Variants in MARCHF1 observed in about 807,000 individuals in gnomAD.
MARCHF1 encodes E3 ubiquitin-protein ligase MARCHF1.
Under a neutral mutation model 54.2 loss-of-function variants are expected in MARCHF1, and 40 were observed. That is an observed-to-expected ratio of 0.74 (90% CI 0.57 to 0.96). The LOEUF (loss-of-function observed/expected upper bound fraction) is 0.96. Among genes scored for constraint, MARCHF1 ranks in the 40% least tolerant of loss-of-function variants. The pLI is 0.00. For missense variants in MARCHF1, 586 were observed against 656.5 expected (o/e 0.89, Z 1.17); for synonymous variants, 236 against 236.3 (o/e 1.00, Z 0.01).
chr4:163,941,730 C>T (rs992382141), intron 3 of MARCHF1, among the ~76,000 whole-genome samples: 6 of 152,050 alleles, frequency 3.9e-5, no homozygotes, highest in African/African-American at 7.2e-5. Context: ...TTTTCTCATT[C>T]GTCAAAAGGA....
chr4:163,719,878 GT>G (rs1159906154), intron 4 of MARCHF1, among the ~76,000 whole-genome samples: 10 of 152,106 alleles, frequency 6.6e-5, no homozygotes, highest in East Asian at 5.8e-4. Flanking sequence ...TGATGGGGTT[GT>G]TTTTTTCTTG....
At chr4:164,354,563 AC>A (rs1300253759) in intron 1 of MARCHF1, among the ~76,000 whole-genome samples, 6 of 136,120 alleles carry the variant, frequency 4.4e-5, no homozygotes, top group African/African-American at 1.7e-4. Context: ...AAATTCAACA[AC>A]CCTTCATGCT....
chr4:163,645,444 A>G (rs1742717328), intron 5 of MARCHF1, among the ~76,000 whole-genome samples: 1 of 152,194 alleles, frequency 6.6e-6, no homozygotes, highest in Non-Finnish European at 1.5e-5. Context: ...ACTCCAGCAA[A>G]CGAGTCTATG....
chr4:163,721,520 G>T (rs1225199010), intron 4 of MARCHF1, among the ~76,000 whole-genome samples: 1 of 152,074 alleles, frequency 6.6e-6, no homozygotes, highest in Non-Finnish European at 1.5e-5. Context: ...CCAGGCTTTG[G>T]TATCAGGATG....
At chr4:163,775,067 G>T (rs1332468429) in intron 4 of MARCHF1, among the ~76,000 whole-genome samples, 3 of 152,052 alleles carry the variant, frequency 2.0e-5, no homozygotes, top group Non-Finnish European at 4.4e-5. Flanking sequence ...TCAAGGTAAG[G>T]CTTCAGCTAA....
intron 3 of MARCHF1, among the ~76,000 whole-genome samples, chr4:163,880,678 T>C (rs1329592229): frequency 2.0e-5 from 3 of 152,064 alleles, no homozygotes; most frequent in Non-Finnish European, 2.9e-5. Context: ...CCAACTATTG[T>C]TGGTCCATTA....
At position 163,802,987 on chromosome 4, in the gene MARCHF1, C is replaced by G. The variant is rs868718580; in HGVS notation, c.111+51034G>C. Among the ~76,000 whole-genome samples, 48 of 152,208 alleles carry G rather than the reference C, an allele frequency of 3.2e-4. 1 individual carries two copies. In the Middle Eastern group the frequency reaches 0.014, roughly 43 times the overall value. On this transcript the variant is annotated intron_variant, in intron 4 of 9. Coordinates refer to ENST00000514618, the MANE Select transcript of MARCHF1 (RefSeq NM_001394959.1). ...GGTACTCATTCACTATCTGACTCACCCTTATCAAGCCTCATCCTAAAGAGT... is the reference window on the plus strand; with the variant it reads ...GGTACTCATTCACTATCTGACTCACGCTTATCAAGCCTCATCCTAAAGAGT...
chr4:164,245,226 T>A (rs1205451658), intron 1 of MARCHF1, among the ~76,000 whole-genome samples: 1 of 152,062 alleles, frequency 6.6e-6, no homozygotes, highest in Non-Finnish European at 1.5e-5. Context: ...ACTGGCAAAA[T>A]GAATCCAGCA....
chr4:164,376,898 A>G (rs1418539713), intron 1 of MARCHF1, among the ~76,000 whole-genome samples: 1 of 152,200 alleles, frequency 6.6e-6, no homozygotes, highest in Non-Finnish European at 1.5e-5. Flanking sequence ...CAGGGTCCAA[A>G]AAGCATGTGA....
At chr4:163,812,901 G>C (rs111824283) in intron 4 of MARCHF1, among the ~76,000 whole-genome samples, 2,382 of 152,278 alleles carry the variant, frequency 0.016, 60 homozygotes, top group African/African-American at 0.053. Context: ...CATCACAACA[G>C]GGGATAGGAC....
intron 4 of MARCHF1, among the ~76,000 whole-genome samples, chr4:163,812,378 G>A (rs142779259): frequency 7.9e-4 from 120 of 151,712 alleles, no homozygotes; most frequent in African/African-American, 2.7e-3. Flanking sequence ...CTATTTCTCT[G>A]GAGAAACCCT....
intron 1 of MARCHF1, among the ~76,000 whole-genome samples, chr4:164,244,730 A>G (rs888326413): frequency 6.6e-6 from 1 of 152,152 alleles, no homozygotes; most frequent in Non-Finnish European, 1.5e-5. Context: ...TAAAGAAAAA[A>G]AGAGAGAAGA....
intron 2 of MARCHF1, among the ~76,000 whole-genome samples, chr4:164,095,841 G>T (rs1755399173): frequency 1.3e-5 from 2 of 152,074 alleles, no homozygotes; most frequent in Non-Finnish European, 2.9e-5. Context: ...AATCATCAGA[G>T]AAATGCAAAT....
intron 2 of MARCHF1, among the ~76,000 whole-genome samples, chr4:164,042,615 G>C (rs12512761): frequency 1 from 151,746 of 152,260 alleles, 75,618 homozygotes; most frequent in Middle Eastern, 1. Flanking sequence ...CTACCCCTGA[G>C]CCTTCCAAAA....
intron 5 of MARCHF1, among the ~76,000 whole-genome samples, chr4:163,653,762 C>T (rs1743050145): frequency 1.3e-5 from 2 of 151,678 alleles, no homozygotes; most frequent in South Asian, 4.1e-4. Context: ...TTTCTTTGGA[C>T]AGCTGAGTGT....
At chr4:164,197,858 A>C in intron 1 of MARCHF1, 2 of 1,222,336 alleles carry the variant, frequency 1.6e-6, no homozygotes, top group Non-Finnish European at 1.1e-6. Context: ...TATTATAATA[A>C]AGGGACTGAT....
chr4:164,138,683 G>A (rs1033293850), intron 1 of MARCHF1, among the ~76,000 whole-genome samples: 1 of 152,140 alleles, frequency 6.6e-6, no homozygotes, highest in Non-Finnish European at 1.5e-5. Context: ...TACTTGCCTT[G>A]GTGATCTCAT....
At chr4:163,529,917 G>C (rs1201596222) in intron 9 of MARCHF1, 2 of 151,970 alleles carry the variant, frequency 1.3e-5, no homozygotes, top group East Asian at 1.9e-4. Flanking sequence ...GACAATAGCT[G>C]TCTTCCCGTA....
intron 5 of MARCHF1, among the ~76,000 whole-genome samples, chr4:163,639,084 A>G (rs995128010): frequency 7.2e-5 from 11 of 152,172 alleles, no homozygotes; most frequent in African/African-American, 2.7e-4. Context: ...TCAGTTTTAC[A>G]GGAGGAAAAG....
Sources: allele counts gnomAD v4.1 joint callset (sites outside exome capture counted in the v4.1 genomes callset), GRCh38; gene constraint gnomAD v4.1.1; transcripts MANE v1.5; gene names NCBI Gene and HGNC (gene_info 2026-07-23, HGNC 2026-07-21).